Variants in C1QTNF1 observed in about 807,000 individuals in gnomAD.
C1QTNF1 encodes C1q and TNF related 1, also known as complement C1q tumor necrosis factor-related protein 1.
In C1QTNF1, 22 loss-of-function variants were observed where a neutral mutation model predicts 27.8. The ratio of observed to expected loss-of-function variants is 0.79; its 90% confidence interval spans 0.56 to 1.13. The LOEUF (loss-of-function observed/expected upper bound fraction) is 1.13, where lower values mean the gene tolerates loss of function less well. Ranked by LOEUF, C1QTNF1 falls within the 50% of genes most tolerant of loss-of-function variation. The pLI, the probability that C1QTNF1 is intolerant of heterozygous loss-of-function variation, is 0.00. For synonymous variants in C1QTNF1, 166 were observed against 154.3 expected, an observed-to-expected ratio of 1.08 and a Z score of -0.56; for missense variants, 373 against 380.2, an observed-to-expected ratio of 0.98 and a Z score of 0.16.
At chr17:79,043,063 A>ATG (rs936516068) in intron 1 of C1QTNF1, among the ~76,000 whole-genome samples, 1 of 142,062 alleles carries the variant, frequency 7.0e-6, no homozygotes, top group East Asian at 2.0e-4. Flanking sequence ...TGTGGGTTGC[A>ATG]TGTGTGTGTG....
chr17:79,038,745 T>A (rs2072326240), intron 1 of C1QTNF1, among the ~76,000 whole-genome samples: 1 of 152,188 alleles, frequency 6.6e-6, no homozygotes, highest in South Asian at 2.1e-4. Context: ...GCCTCCCTAC[T>A]GTAGGGGGAT....
chr17:79,029,413 G>T (rs904300758), intron 1 of C1QTNF1, among the ~76,000 whole-genome samples: 5 of 152,220 alleles, frequency 3.3e-5, no homozygotes, highest in Non-Finnish European at 7.3e-5. Context: ...GAGGCTGTTT[G>T]CGCATTCTAA....
At position 79,034,470 on chromosome 17, in the gene C1QTNF1, A is replaced by T. The variant is rs1024295908; in HGVS notation, c.-14-9485A>T. 6.6e-5 allele frequency: 10 copies of T among 152,298 alleles called. No individual in the cohort carries two copies. The East Asian group carries it at 1.9e-3, about 29-fold the overall frequency. The allele number at this position is 152,298 out of a possible 1,614,324, so 9.4% of individuals were successfully genotyped here. A position where few individuals can be genotyped will look rare whatever the true frequency, so the allele number is the denominator to read the frequency against. On this transcript the variant is annotated intron_variant, in intron 1 of 3. Coordinates refer to ENST00000579760, the MANE Select transcript of C1QTNF1 (RefSeq NM_030968.5). ...CCGAAGGCCCGATGCCTGACGGCTC[A>T]TGCGGCCTCCTTGTTTGCAGGGCCT... is the stretch of plus-strand genomic sequence containing the variant.
intron 1 of C1QTNF1, among the ~76,000 whole-genome samples, chr17:79,030,522 T>G (rs1295775888): frequency 7.0e-6 from 1 of 143,102 alleles, no homozygotes; most frequent in Non-Finnish European, 1.5e-5. Flanking sequence ...TCTTTCTTTC[T>G]TTCTTTCTTC....
chr17:79,046,726 G>A lies in C1QTNF1; in HGVS notation c.295+32G>A, dbSNP rs371416155. On this transcript the variant is annotated intron_variant, in intron 3 of 3. Coordinates refer to ENST00000579760, the MANE Select transcript of C1QTNF1 (RefSeq NM_030968.5). This position sits in a 1 kb window ranked among gnomAD's most constrained non-coding sequence, Gnocchi z 4.8. ...TGGCTGCAAAGACAAGCACGGGGTGGCCGGGCTGCTCTGTGCTGATCCGGA... is the reference window on the plus strand; with the variant it reads ...TGGCTGCAAAGACAAGCACGGGGTGACCGGGCTGCTCTGTGCTGATCCGGA... 2.4e-4 allele frequency: 390 copies of A among 1,613,406 alleles called. No individual in the cohort carries two copies. The highest frequency in any genetic ancestry group is 3.2e-4 in the Non-Finnish European group (379 of 1,179,756).
chr17:79,029,577 A>G (rs2072072344), intron 1 of C1QTNF1, among the ~76,000 whole-genome samples: 1 of 152,184 alleles, frequency 6.6e-6, no homozygotes, highest in Non-Finnish European at 1.5e-5. Flanking sequence ...TCTGATAAAC[A>G]TTGGGCTACT....
intron 1 of C1QTNF1, among the ~76,000 whole-genome samples, chr17:79,031,937 T>C (rs552714651): frequency 6.6e-6 from 1 of 152,324 alleles, no homozygotes; most frequent in Non-Finnish European, 1.5e-5. Context: ...GATCTCTGTG[T>C]CCCCAGCTGG....
At chr17:79,032,067 C>T (rs1020313527) in intron 1 of C1QTNF1, among the ~76,000 whole-genome samples, 1 of 152,250 alleles carries the variant, frequency 6.6e-6, no homozygotes, top group African/African-American at 2.4e-5. Context: ...AGTTAGACAC[C>T]GGATGCTGGT....
upstream of C1QTNF1, among the ~76,000 whole-genome samples, chr17:79,023,704 G>GCGCGCA (rs1267428917): frequency 7.0e-4 from 102 of 145,028 alleles, no homozygotes; most frequent in African/African-American, 2.6e-3. Context: ...GCGCGCGCGC[G>GCGCGCA]CACACACACA....
In C1QTNF1 at chr17:79,044,100, G is replaced by C; in HGVS notation, c.132G>C (p.Pro44=). 2 of 1,613,036 alleles carry C rather than the reference G, an allele frequency of 1.2e-6. No homozygotes were observed. The highest frequency in any genetic ancestry group is 1.1e-5 in the South Asian group (1 of 90,970). The change falls in exon 2 of 4, where the codon CCG becomes CCC. Residue 44 remains proline (P), a synonymous_variant. Coordinates refer to ENST00000579760, the MANE Select transcript of C1QTNF1 (RefSeq NM_030968.5). The part of the protein sequence containing the change: ...QQEWEGTEEL[P]SPPDHAERAE... ...AGTGGGAGGGGACTGAGGAGCTGCCGTCGCCTCCGGACCATGCCGAGAGGT... is the reference window on the plus strand; with the variant it reads ...AGTGGGAGGGGACTGAGGAGCTGCCCTCGCCTCCGGACCATGCCGAGAGGT...
intron 1 of C1QTNF1, among the ~76,000 whole-genome samples, chr17:79,040,870 C>T (rs114183749): frequency 0.023 from 3,505 of 151,854 alleles, 119 homozygotes; most frequent in African/African-American, 0.08. Flanking sequence ...CACCACTGCA[C>T]TCACTCACAG....
chr17:79,042,339 C>T (rs555523210), intron 1 of C1QTNF1, among the ~76,000 whole-genome samples: 10 of 152,360 alleles, frequency 6.6e-5, no homozygotes, highest in East Asian at 1.9e-4. Flanking sequence ...CCGCCCCTCG[C>T]GGGCTCCCTG....
chr17:79,048,612 G>C lies in C1QTNF1; in HGVS notation c.*524G>C, dbSNP rs994172226. ...GGGTCAGGGGAGGGGCCGGGGGCAG[G>C]AAACTACCTCTGGCTTAATTCTTTT... On this transcript the variant is annotated 3_prime_UTR_variant, in exon 4 of 4. Coordinates refer to ENST00000579760, the MANE Select transcript of C1QTNF1 (RefSeq NM_030968.5). 1 of 152,806 alleles carries C rather than the reference G, an allele frequency of 6.5e-6. No individual in the cohort carries two copies. The highest frequency in any genetic ancestry group is 2.4e-5 in the African/African-American group (1 of 41,468). 9.5% of individuals were successfully genotyped at this position (152,806 alleles called of 1,614,324 possible). A position where few individuals can be genotyped will look rare whatever the true frequency, so the allele number is the denominator to read the frequency against.
At position 79,040,346 on chromosome 17, in the gene C1QTNF1, T is replaced by C. The variant is rs184100802; in HGVS notation, c.-14-3609T>C. Among the ~76,000 whole-genome samples, 327 of 152,238 alleles carry C rather than the reference T, an allele frequency of 2.1e-3. 3 individuals carry two copies. Among genetic ancestry groups the C allele is most frequent in the Non-Finnish European group, 3.8e-3 (260 of 68,022 alleles). ...TGGGCGTGGTGGCGCATGCCTGTAG[T>C]CCCAGCTGCTTGAGAGGTTGAGGTG... On this transcript the variant is annotated intron_variant, in intron 1 of 3. Transcript: ENST00000579760.
Position 79,047,846 on chromosome 17 carries a change from T to G in C1QTNF1, c.604T>G (p.Trp202Gly). The G allele has an allele frequency of 6.2e-7, 1 of 1,614,126 alleles. No homozygotes were observed. Among genetic ancestry groups the G allele is most frequent in the Non-Finnish European group, 8.5e-7 (1 of 1,180,008 alleles). Residue 202 changes from tryptophan to glycine, a missense_variant, in exon 4 of 4, where the codon TGG becomes GGG. Physicochemically the swap from Trp to Gly is radical, Grantham distance 184. Transcript: ENST00000579760. ...CTTCTTCAGCCTCAACGTGCACACC[T>G]GGAACCAGAAGGAGACCTACCTGCA... The part of the protein sequence containing the change: ...LYFFSLNVHT[W>G]NQKETYLHIM...
chr17:79,043,278 G>A (rs568930141), intron 1 of C1QTNF1: 1 of 450,416 alleles, frequency 2.2e-6, no homozygotes. Flanking sequence ...TGTGTGTTGA[G>A]AGTGTGCATG....
At chr17:79,030,435 TTC>T (rs145745132) in intron 1 of C1QTNF1, among the ~76,000 whole-genome samples, 1 of 151,520 alleles carries the variant, frequency 6.6e-6, no homozygotes, top group Admixed American at 6.6e-5. Flanking sequence ...TTTACAAACT[TTC>T]TCTCTCTTTC....
At position 79,037,996 on chromosome 17, in the gene C1QTNF1, C is replaced by CTT. The variant is rs905139081; in HGVS notation, c.-14-5949_-14-5948dup. On this transcript the variant is annotated intron_variant, in intron 1 of 3. Coordinates refer to ENST00000579760, the MANE Select transcript of C1QTNF1 (RefSeq NM_030968.5). ...CAAGGGATACAATTTTTTTCTTTTTCTTTTTTTTTTTGAGACGGAGTCTCA... is the reference window on the plus strand; with the variant it reads ...CAAGGGATACAATTTTTTTCTTTTTCTTTTTTTTTTTTTGAGACGGAGTCTCA... Among the ~76,000 whole-genome samples, 158 of 144,576 alleles carry CTT rather than the reference C, an allele frequency of 1.1e-3. 2 individuals carry two copies. Among genetic ancestry groups the CTT allele is most frequent in the African/African-American group, 3.8e-3 (149 of 39,600 alleles). 94.8% of individuals were successfully genotyped at this position (144,576 alleles called of 152,430 possible). A position where few individuals can be genotyped will look rare whatever the true frequency, so the allele number is the denominator to read the frequency against.
At chr17:79,033,683 G>C (rs2072193638) in intron 1 of C1QTNF1, among the ~76,000 whole-genome samples, 2 of 152,016 alleles carry the variant, frequency 1.3e-5, no homozygotes, top group African/African-American at 4.8e-5. Context: ...TCCAGCCTGG[G>C]TGACAGGAGA....
Sources: gnomAD v4.1 joint callset for allele counts (sites outside exome capture counted in the v4.1 genomes callset) on GRCh38, gnomAD v4.1.1 for gene constraint, Gnocchi (gnomAD v3.1) non-coding constraint, MANE v1.5 for transcripts, NCBI Gene and HGNC (gene_info 2026-07-23, HGNC 2026-07-21) for gene names.